The following ZFAT variants were observed in gnomAD, a reference collection of about 807,000 sequenced individuals.
ZFAT encodes the protein zinc finger and AT-hook domain containing.
In ZFAT, 64 loss-of-function variants were observed where a neutral mutation model predicts 117.7. That is an observed-to-expected ratio of 0.54 (90% CI 0.44 to 0.67). ZFAT has a LOEUF of 0.67. Among genes scored for constraint, ZFAT ranks in the 30% least tolerant of loss-of-function variants. The pLI, the probability that ZFAT is intolerant of heterozygous loss-of-function variation, is 0.00. For synonymous variants in ZFAT, 679 were observed against 615.0 expected (o/e 1.10, Z -1.54); for missense variants, 1,433 against 1,584.5 (o/e 0.90, Z 1.62).
the ZFAT span, among the ~76,000 whole-genome samples, chr8:134,803,269 A>T: frequency 2.6e-5 from 4 of 152,186 alleles, no homozygotes; most frequent in African/African-American, 9.7e-5. Flanking sequence ...CAGTATATCA[A>T]AATTTTTCAT....
At chr8:134,593,518 G>C (rs998967554) in intron 7 of ZFAT, among the ~76,000 whole-genome samples, 1 of 152,126 alleles carries the variant, frequency 6.6e-6, no homozygotes, top group East Asian at 1.9e-4. Flanking sequence ...CCTTAATGAC[G>C]GTAGGAGAGC....
intron 15 of ZFAT, among the ~76,000 whole-genome samples, chr8:134,503,316 C>T (rs547345187): frequency 5.9e-5 from 9 of 152,266 alleles, no homozygotes; most frequent in African/African-American, 1.4e-4. Flanking sequence ...GATAGAAATA[C>T]GGATCTGCCA....
At chr8:134,808,210 G>T in the ZFAT span, among the ~76,000 whole-genome samples, 13,414 of 152,218 alleles carry the variant, frequency 0.088, 667 homozygotes, top group South Asian at 0.14. Context: ...TATGTGTGTG[G>T]ATGTGAACGC....
intron 15 of ZFAT, among the ~76,000 whole-genome samples, chr8:134,484,335 G>T (rs1264745199): frequency 6.6e-6 from 1 of 152,200 alleles, no homozygotes; most frequent in Non-Finnish European, 1.5e-5. Context: ...CCAACCTATA[G>T]CTGTAGAACT....
intron 15 of ZFAT, among the ~76,000 whole-genome samples, chr8:134,494,017 A>G (rs879572936): frequency 6.6e-5 from 10 of 152,214 alleles, no homozygotes; most frequent in Admixed American, 3.3e-4. Flanking sequence ...TTTATTGTGC[A>G]TAATACTTGA....
intron 11 of ZFAT, among the ~76,000 whole-genome samples, chr8:134,537,879 T>A (rs971213904): frequency 2.0e-5 from 3 of 151,988 alleles, no homozygotes; most frequent in Admixed American, 6.6e-5. Flanking sequence ...AGGGAGGAGA[T>A]GGAGCCTCTA....
At chr8:134,582,328 C>A (rs1312204390) in intron 10 of ZFAT, among the ~76,000 whole-genome samples, 2 of 152,208 alleles carry the variant, frequency 1.3e-5, no homozygotes, top group African/African-American at 4.8e-5. Context: ...CCTGTGAATG[C>A]CTTCTTGACC....
chr8:134,716,862 T>C (rs1814215736), upstream of ZFAT, among the ~76,000 whole-genome samples: 1 of 152,234 alleles, frequency 6.6e-6, no homozygotes. Flanking sequence ...TTGGTAGATA[T>C]GGGGTCCTAT....
chr8:134,697,727 A>AAAAAACT (rs1278126774), intron 1 of ZFAT, among the ~76,000 whole-genome samples: 3 of 150,016 alleles, frequency 2.0e-5, no homozygotes, highest in South Asian at 2.1e-4. Flanking sequence ...ACTCCATCTC[A>AAAAAACT]AAAAACTAAA....
At chr8:134,714,113 C>T (rs1207012872), upstream of ZFAT, among the ~76,000 whole-genome samples, 106 of 139,220 alleles carry the variant, frequency 7.6e-4, 2 homozygotes, top group African/African-American at 2.7e-3. Context: ...ACATGCCCCC[C>T]CCCCCCCAAA....
chr8:134,770,187 ATTTTCT>A, the ZFAT span, among the ~76,000 whole-genome samples: 1 of 151,984 alleles, frequency 6.6e-6, no homozygotes, highest in African/African-American at 2.4e-5. Context: ...AGAAAATGGG[ATTTTCT>A]TTTTCTATCG....
At chr8:134,819,585 A>G in the ZFAT span, among the ~76,000 whole-genome samples, 1 of 139,754 alleles carries the variant, frequency 7.2e-6, no homozygotes, top group South Asian at 2.2e-4. Context: ...CCGCTCCTCC[A>G]ATATTCTAAT....
chr8:134,498,166 G>A (rs1479074403), intron 15 of ZFAT, among the ~76,000 whole-genome samples: 3 of 56,272 alleles, frequency 5.3e-5, no homozygotes, highest in African/African-American at 1.4e-4. Flanking sequence ...GGATGCCCCC[G>A]TTGCTGGTTA....
chr8:134,675,832 C>G (rs1832772034), intron 1 of ZFAT, among the ~76,000 whole-genome samples: 2 of 152,130 alleles, frequency 1.3e-5, no homozygotes, highest in South Asian at 4.1e-4. Flanking sequence ...AATTTCATAT[C>G]CGGCCAAACT....
At chr8:134,820,819 T>C in the ZFAT span, among the ~76,000 whole-genome samples, 1 of 152,210 alleles carries the variant, frequency 6.6e-6, no homozygotes, top group Non-Finnish European at 1.5e-5. Flanking sequence ...CCACAGTGCC[T>C]TCCTTATGAA....
intron 10 of ZFAT, among the ~76,000 whole-genome samples, chr8:134,578,656 G>A (rs1825495614): frequency 6.6e-6 from 1 of 152,126 alleles, no homozygotes; most frequent in African/African-American, 2.4e-5. Flanking sequence ...GACCAGGAGA[G>A]GTTCTAGGGA....
chr8:134,783,321 C>T, the ZFAT span, among the ~76,000 whole-genome samples: 17 of 152,262 alleles, frequency 1.1e-4, no homozygotes, highest in Admixed American at 4.6e-4. Context: ...TGACTGATGG[C>T]CAAGTGAGCA....
intron 11 of ZFAT, among the ~76,000 whole-genome samples, chr8:134,549,815 CCAAA>C (rs1246642361): frequency 6.6e-6 from 1 of 152,066 alleles, no homozygotes; most frequent in Non-Finnish European, 1.5e-5. Context: ...TCCACCTGAC[CCAAA>C]CAAACACACC....
At chr8:134,689,445 C>T (rs1480699953) in intron 1 of ZFAT, among the ~76,000 whole-genome samples, 1 of 152,232 alleles carries the variant, frequency 6.6e-6, no homozygotes, top group Non-Finnish European at 1.5e-5. Flanking sequence ...ACCTGCCCTG[C>T]ATCAACACCA....
Sources: allele counts gnomAD v4.1 joint callset (sites outside exome capture counted in the v4.1 genomes callset), GRCh38; gene constraint gnomAD v4.1.1; transcripts MANE v1.5; gene names NCBI Gene and HGNC (gene_info 2026-07-23, HGNC 2026-07-21).